RUFY3: variants seen among roughly 807,000 people sequenced by gnomAD.
RUFY3 encodes RUN and FYVE domain containing 3, also known as protein RUFY3.
In RUFY3, 34 loss-of-function variants were observed where a neutral mutation model predicts 84.0. That is an observed-to-expected ratio of 0.40 (90% CI 0.31 to 0.54). RUFY3 has a LOEUF of 0.54. Ranked by LOEUF, RUFY3 falls within the 20% of genes least tolerant of loss-of-function variation. The pLI, the probability that RUFY3 is intolerant of heterozygous loss-of-function variation, is 0.39. For missense variants in RUFY3, 507 were observed against 736.8 expected (o/e 0.69, Z 3.61); for synonymous variants, 242 against 252.9 (o/e 0.96, Z 0.41).
intron 1 of RUFY3, among the ~76,000 whole-genome samples, chr4:70,733,342 A>T (rs1377956898): frequency 1.3e-5 from 2 of 152,196 alleles, no homozygotes; most frequent in African/African-American, 2.4e-5. Context: ...ATATCTTAAT[A>T]ATACGTAGTA....
At chr4:70,738,098 C>A (rs931293660) in intron 1 of RUFY3, among the ~76,000 whole-genome samples, 1 of 151,182 alleles carries the variant, frequency 6.6e-6, no homozygotes, top group Non-Finnish European at 1.5e-5. Context: ...ATCCTCCTAC[C>A]TTGGCCTCCC....
Position 70,711,065 on chromosome 4 carries a change from A to G in RUFY3, c.358+5771A>G, listed in dbSNP as rs1363687965. Among the ~76,000 whole-genome samples the G allele has an allele frequency of 6.4e-4, 57 of 89,728 alleles. No individual in the cohort carries two copies. In the South Asian group the frequency reaches 7.5e-3, roughly 12 times the overall value. 58.9% of individuals were successfully genotyped at this position (89,728 alleles called of 152,430 possible). ...GGCCACAGAGCAAGACTCCGTCTGGAAAAAAAAAAAAAAAAAAAAAAAAAA... is the reference window on the plus strand; with the variant it reads ...GGCCACAGAGCAAGACTCCGTCTGGGAAAAAAAAAAAAAAAAAAAAAAAAA... On this transcript the variant is annotated intron_variant, in intron 1 of 11. Transcript: ENST00000417478.
chr4:70,756,301 G>A (rs1041855861), intron 1 of RUFY3, among the ~76,000 whole-genome samples: 1 of 152,036 alleles, frequency 6.6e-6, no homozygotes, highest in Non-Finnish European at 1.5e-5. Context: ...TTGCCCCTCA[G>A]CTTTGAGTTC....
In RUFY3 at chr4:70,730,928, A is replaced by G. The variant is rs113968332; in HGVS notation, c.178+8177A>G. Among the ~76,000 whole-genome samples the G allele has an allele frequency of 9.7e-4, 147 of 152,266 alleles. 1 individual carries two copies. The highest frequency in any genetic ancestry group is 3.5e-3 in the African/African-American group (144 of 41,558). ...AGTCTTCTTCCCAGTCTCTGATGACATATTTGCAGAAGTTTTATACACAAT... is the reference window on the plus strand; with the variant it reads ...AGTCTTCTTCCCAGTCTCTGATGACGTATTTGCAGAAGTTTTATACACAAT... On this transcript the variant is annotated intron_variant, in intron 1 of 17. Coordinates refer to ENST00000381006, the MANE Select transcript of RUFY3 (RefSeq NM_001037442.4).
Position 70,807,177 on chromosome 4 carries a change from G to C in RUFY3, c.*518G>C, listed in dbSNP as rs562623072. The stretch of plus-strand genomic sequence containing the variant: ...CTCTTTAAAGTATTTCTACCAAACT[G>C]TGAACCCAATCTCAGGGAAAAGAAA... On this transcript the variant is annotated 3_prime_UTR_variant, in exon 18 of 18. Transcript: ENST00000381006. 2.0e-5 allele frequency: 3 copies of C among 152,218 alleles called. No individual in the cohort carries two copies. The East Asian group carries it at 5.8e-4, about 29-fold the overall frequency. The allele number at this position is 152,218 out of a possible 1,614,324, so 9.4% of individuals were successfully genotyped here. A position where few individuals can be genotyped will look rare whatever the true frequency, so the allele number is the denominator to read the frequency against.
upstream of RUFY3, among the ~76,000 whole-genome samples, chr4:70,718,599 C>G (rs1319069512): frequency 1.3e-5 from 2 of 152,036 alleles, no homozygotes; most frequent in Non-Finnish European, 2.9e-5. Context: ...AGTAATTACT[C>G]TGTATGTGAG....
At chr4:70,774,303 T>A (rs1226279170) in intron 6 of RUFY3, among the ~76,000 whole-genome samples, 1 of 151,910 alleles carries the variant, frequency 6.6e-6, no homozygotes, top group Non-Finnish European at 1.5e-5. Context: ...ACAGTTTAAT[T>A]TTTCATGTAA....
intron 1 of RUFY3, among the ~76,000 whole-genome samples, chr4:70,730,888 G>A (rs1047821269): frequency 6.6e-6 from 1 of 152,170 alleles, no homozygotes; most frequent in East Asian, 1.9e-4. Flanking sequence ...CAATAGGCCT[G>A]CGTGTAATAA....
In RUFY3 at chr4:70,782,712, A is replaced by G. The variant is rs561363000; in HGVS notation, c.895-379A>G. Reference sequence around the variant, plus strand: ...CAGATCTCTTGAAGGCAGAAGTTCAACACCAGCCTGGCCAACATGGTGAAA... The same window carrying G: ...CAGATCTCTTGAAGGCAGAAGTTCAGCACCAGCCTGGCCAACATGGTGAAA... On this transcript the variant is annotated intron_variant, in intron 8 of 17. Transcript: ENST00000381006. Among the ~76,000 whole-genome samples the G allele has an allele frequency of 5.9e-5, 9 of 152,150 alleles. No individual in the cohort carries two copies. The South Asian group carries it at 1.9e-3, about 32-fold the overall frequency.
intron 1 of RUFY3, among the ~76,000 whole-genome samples, chr4:70,732,407 A>G (rs569440418): frequency 7.6e-4 from 116 of 152,314 alleles, no homozygotes; most frequent in Non-Finnish European, 1.1e-3. Flanking sequence ...TACTCCATAA[A>G]ATCATTTTAA....
At chr4:70,775,023 T>C in intron 6 of RUFY3, 145 bp from the exon 7 acceptor site, 1 of 512,428 alleles carries the variant, frequency 2.0e-6, no homozygotes, top group Non-Finnish European at 3.5e-6. Flanking sequence ...CAAGAGGGTT[T>C]TACATCAAAT....
chr4:70,803,768 G>C (rs1312766942), intron 16 of RUFY3, among the ~76,000 whole-genome samples: 34 of 151,098 alleles, frequency 2.3e-4, no homozygotes, highest in Admixed American at 2.2e-3. Context: ...TGTCACCCAG[G>C]GTGGAGTGTT....
chr4:70,788,686 A>T (rs1730311628), intron 10 of RUFY3, 120 bp from the exon 11 acceptor site: 12 of 978,814 alleles, frequency 1.2e-5, no homozygotes, highest in Non-Finnish European at 1.6e-5. Flanking sequence ...TGGTAGCTTA[A>T]GCTATTTTGC....
At chr4:70,726,811 G>A (rs1279209829) in intron 1 of RUFY3, among the ~76,000 whole-genome samples, 2 of 152,332 alleles carry the variant, frequency 1.3e-5, no homozygotes, top group East Asian at 3.9e-4. Flanking sequence ...AAAGGCGGGG[G>A]TGAAGATAAA....
chr4:70,800,217 T>A lies in RUFY3; in HGVS notation c.1622+12T>A, dbSNP rs773149393. 2.5e-6 allele frequency: 4 copies of A among 1,593,664 alleles called. No homozygotes were observed. The South Asian group carries it at 3.5e-5, about 14-fold the overall frequency. On this transcript the variant is annotated intron_variant, in intron 15 of 17. Transcript: ENST00000381006. Reference sequence around the variant, plus strand: ...GAAGAAAGCCACAGGTGTTTGTTAATCAAGTATTAACTAAGATGTAAAGTT... The same window carrying A: ...GAAGAAAGCCACAGGTGTTTGTTAAACAAGTATTAACTAAGATGTAAAGTT...
intron 14 of RUFY3, among the ~76,000 whole-genome samples, chr4:70,796,799 T>C (rs375998064): frequency 6.6e-6 from 1 of 152,176 alleles, no homozygotes; most frequent in African/African-American, 2.4e-5. Context: ...TCCTAAAGCA[T>C]TGTCCCCAAA....
chr4:70,804,786 CCGGG>C (rs1732659949), intron 17 of RUFY3, among the ~76,000 whole-genome samples: 2 of 146,890 alleles, frequency 1.4e-5, no homozygotes, highest in Admixed American at 6.8e-5. Context: ...AAAAAAATAG[CCGGG>C]CGTGGTGGCC....
At chr4:70,729,069 A>T (rs1255253830) in intron 1 of RUFY3, among the ~76,000 whole-genome samples, 2 of 152,160 alleles carry the variant, frequency 1.3e-5, no homozygotes, top group Non-Finnish European at 2.9e-5. Flanking sequence ...CAGTAAAGGA[A>T]TTAGTACAAT....
intron 1 of RUFY3, among the ~76,000 whole-genome samples, chr4:70,747,154 A>C (rs1384224491): frequency 6.6e-6 from 1 of 152,222 alleles, no homozygotes; most frequent in Non-Finnish European, 1.5e-5. Flanking sequence ...AACTTTTCCC[A>C]AGGTCACACA....
Sources: gnomAD v4.1 joint callset for allele counts (sites outside exome capture counted in the v4.1 genomes callset) on GRCh38, gnomAD v4.1.1 for gene constraint, MANE v1.5 for transcripts, NCBI Gene and HGNC (gene_info 2026-07-23, HGNC 2026-07-21) for gene names.